CWC27: variants seen among roughly 807,000 people sequenced by gnomAD.
The protein encoded by CWC27 is CWC27 spliceosome associated cyclophilin.
CWC27 carries 47 observed loss-of-function variants against 63.6 expected under a neutral mutation model. The ratio of observed to expected loss-of-function variants is 0.74; its 90% CI spans 0.58 to 0.94. The LOEUF (loss-of-function observed/expected upper bound fraction) is 0.94, where lower values mean the gene tolerates loss of function less well. CWC27 is among the 40% of genes least tolerant of loss of function. CWC27 has a pLI of 0.00. For missense variants in CWC27, 495 were observed against 554.3 expected (o/e 0.89, Z 1.07); for synonymous variants, 175 against 179.8 (o/e 0.97, Z 0.22).
chr5:64,984,604 G>A (rs563481613), intron 13 of CWC27, among the ~76,000 whole-genome samples: 227 of 152,166 alleles, frequency 1.5e-3, no homozygotes, highest in Non-Finnish European at 2.0e-3. Flanking sequence ...TTTTCTTTTG[G>A]ATGAAATGTC....
At chr5:64,868,520 C>G (rs1746585588) in intron 10 of CWC27, among the ~76,000 whole-genome samples, 3 of 151,960 alleles carry the variant, frequency 2.0e-5, no homozygotes, top group African/African-American at 7.2e-5. Flanking sequence ...AGTGTTGTCC[C>G]CAAAGCAGCA....
chr5:64,999,860 G>C (rs1182386942), intron 13 of CWC27, among the ~76,000 whole-genome samples: 1 of 152,040 alleles, frequency 6.6e-6, no homozygotes, highest in Non-Finnish European at 1.5e-5. Flanking sequence ...CTCAGTAGTG[G>C]AAATGCTGGG....
chr5:64,973,400 T>C (rs1179721545), intron 12 of CWC27, among the ~76,000 whole-genome samples: 1 of 152,176 alleles, frequency 6.6e-6, no homozygotes, highest in Admixed American at 6.5e-5. Flanking sequence ...GTGTTAGATA[T>C]GCATAAACAG....
At chr5:64,840,199 G>A (rs1025778243) in intron 10 of CWC27, among the ~76,000 whole-genome samples, 3 of 151,118 alleles carry the variant, frequency 2.0e-5, no homozygotes, top group Non-Finnish European at 3.0e-5. Context: ...CTGAGATGAC[G>A]AAGACCAACA....
chr5:64,846,993 C>CAAAAAAAAA (rs35090437), intron 10 of CWC27, among the ~76,000 whole-genome samples: 4 of 86,158 alleles, frequency 4.6e-5, no homozygotes, highest in African/African-American at 1.9e-4. Flanking sequence ...GACTCCATCT[C>CAAAAAAAAA]AAAAAAAAAA....
intron 10 of CWC27, among the ~76,000 whole-genome samples, chr5:64,814,948 G>A (rs1038494187): frequency 2.0e-5 from 3 of 151,980 alleles, no homozygotes; most frequent in African/African-American, 7.2e-5. Context: ...GTAACAGATT[G>A]GATGTAGGAG....
At chr5:64,823,467 G>A (rs569355318) in intron 10 of CWC27, among the ~76,000 whole-genome samples, 2 of 152,288 alleles carry the variant, frequency 1.3e-5, no homozygotes, top group African/African-American at 4.8e-5. Flanking sequence ...AGTCTATAGG[G>A]ATAGGGAAAC....
intron 1 of CWC27, among the ~76,000 whole-genome samples, chr5:64,770,492 A>G (rs1236360601): frequency 3.9e-5 from 6 of 152,210 alleles, no homozygotes; most frequent in Non-Finnish European, 8.8e-5. Context: ...CTTAGCAAAG[A>G]GCCCTTTCTT....
chr5:64,901,096 T>C (rs992656976), intron 11 of CWC27, among the ~76,000 whole-genome samples: 1 of 152,086 alleles, frequency 6.6e-6, no homozygotes, highest in African/African-American at 2.4e-5. Flanking sequence ...GCCAAAAGAT[T>C]GGATACCCCT....
At position 64,942,689 on chromosome 5, in the gene CWC27, G is replaced by A. The variant is rs148114466; in HGVS notation, c.1043-29014G>A. On this transcript the variant is annotated intron_variant, in intron 11 of 13. Transcript: ENST00000381070. ...TGTTTTTAGCTTTTTTGCTTGTAAC[G>A]AGTAAGGAAAACATTGGCTTTCCAC... Among the ~76,000 whole-genome samples, 89 of 152,140 alleles carry A rather than the reference G, an allele frequency of 5.8e-4. No individual in the cohort carries two copies. The East Asian group carries it at 0.015, about 25-fold the overall frequency.
At chr5:64,875,736 A>G (rs1405070493) in intron 10 of CWC27, among the ~76,000 whole-genome samples, 1 of 152,158 alleles carries the variant, frequency 6.6e-6, no homozygotes, top group Non-Finnish European at 1.5e-5. Context: ...TGAAATCTGT[A>G]TCTCCATGGA....
intron 11 of CWC27, among the ~76,000 whole-genome samples, chr5:64,895,254 G>A (rs1248577747): frequency 6.6e-6 from 1 of 151,390 alleles, no homozygotes; most frequent in African/African-American, 2.4e-5. Context: ...AATATGAACA[G>A]CATCTATAGC....
chr5:64,769,397 C>T (rs1743158234), intron 1 of CWC27, among the ~76,000 whole-genome samples: 1 of 152,200 alleles, frequency 6.6e-6, no homozygotes, highest in African/African-American at 2.4e-5. Context: ...GGAGATTTCT[C>T]TACCTACCAG....
chr5:64,801,522 C>CGT (rs146096540), intron 9 of CWC27, among the ~76,000 whole-genome samples, 190 bp downstream of exon 9: 13 of 150,824 alleles, frequency 8.6e-5, no homozygotes, highest in South Asian at 2.1e-4. Context: ...TAGGGGTGTG[C>CGT]GTGTGTGTGT....
chr5:64,834,532 T>C (rs563638345), intron 10 of CWC27, among the ~76,000 whole-genome samples: 2 of 151,906 alleles, frequency 1.3e-5, no homozygotes, highest in Admixed American at 6.6e-5. Context: ...TAGATGATAA[T>C]CACTCTTGTT....
intron 11 of CWC27, among the ~76,000 whole-genome samples, chr5:64,922,094 A>G (rs1025956156): frequency 6.6e-6 from 1 of 152,072 alleles, no homozygotes; most frequent in Non-Finnish European, 1.5e-5. Flanking sequence ...TTTCTTTCAC[A>G]TTGAGTTAGA....
intron 10 of CWC27, among the ~76,000 whole-genome samples, chr5:64,839,579 A>T (rs1745748247): frequency 6.6e-6 from 1 of 152,204 alleles, no homozygotes; most frequent in Admixed American, 6.5e-5. Context: ...ACAGGGCCTG[A>T]TGAGGGCAGG....
At position 64,824,769 on chromosome 5, in the gene CWC27, G is replaced by A. The variant is rs531616812; in HGVS notation, c.938+20383G>A. 4.3e-5 allele frequency among the ~76,000 whole-genome samples: 5 copies of A among 116,198 alleles called. No individual in the cohort carries two copies. In the Admixed American group the frequency reaches 4.9e-4, roughly 11 times the overall value. 76.2% of individuals were successfully genotyped at this position (116,198 alleles called of 152,430 possible). On this transcript the variant is annotated intron_variant, in intron 10 of 13. Coordinates refer to ENST00000381070, the MANE Select transcript of CWC27 (RefSeq NM_005869.4). Reference sequence around the variant, plus strand: ...TTTTTTTGAGATGGAGTCTCACTCCGTCGCCCAGGCTGGAGTGCAGTGGTG... The same window carrying A: ...TTTTTTTGAGATGGAGTCTCACTCCATCGCCCAGGCTGGAGTGCAGTGGTG...
chr5:64,902,737 C>A (rs2117122), intron 11 of CWC27, among the ~76,000 whole-genome samples: 43,460 of 151,914 alleles, frequency 0.29, 6,713 homozygotes, highest in East Asian at 0.52. Flanking sequence ...ATCAACTAAT[C>A]AATTTCTACG....
Sources: gnomAD v4.1 joint callset for allele counts (sites outside exome capture counted in the v4.1 genomes callset) on GRCh38, gnomAD v4.1.1 for gene constraint, MANE v1.5 for transcripts, NCBI Gene and HGNC (gene_info 2026-07-23, HGNC 2026-07-21) for gene names.